The following IL7 variants were observed in gnomAD, a reference collection of about 807,000 sequenced individuals.
The protein encoded by IL7 is interleukin-7.
IL7 carries 3 observed loss-of-function variants against 21.6 expected under a neutral mutation model. That is an observed-to-expected ratio of 0.14 (90% confidence interval 0.06 to 0.36). The LOEUF is 0.36. Ranked by LOEUF, IL7 falls within the 10% of genes least tolerant of loss-of-function variation. The pLI is 1.00. For missense variants in IL7, 175 were observed against 200.2 expected, an observed-to-expected ratio of 0.87 and a Z score of 0.76; for synonymous variants, 62 against 68.1, an observed-to-expected ratio of 0.91 and a Z score of 0.44.
intron 3 of IL7, chr8:78,689,340 T>C (rs756586522): frequency 1.9e-6 from 3 of 1,599,424 alleles, no homozygotes; most frequent in Non-Finnish European, 2.6e-6. Context: ...TTTCTACAGA[T>C]ACCAAAGGAA....
At chr8:78,707,762 T>A (rs917614764) in intron 3 of IL7, among the ~76,000 whole-genome samples, 1 of 152,142 alleles carries the variant, frequency 6.6e-6, no homozygotes, top group Non-Finnish European at 1.5e-5. Flanking sequence ...TCTACCAATA[T>A]ATTACTATAT....
intron 3 of IL7, among the ~76,000 whole-genome samples, chr8:78,700,270 GAA>G (rs1303403717): frequency 1.3e-5 from 2 of 152,204 alleles, no homozygotes; most frequent in African/African-American, 4.8e-5. Context: ...GTCTTCTTTT[GAA>G]AAGTGTCTGT....
intron 2 of IL7, among the ~76,000 whole-genome samples, chr8:78,786,767 T>C (rs1256007996): frequency 2.0e-5 from 3 of 152,168 alleles, no homozygotes; most frequent in Non-Finnish European, 4.4e-5. Context: ...AAGGAATGTC[T>C]TTTTCTGTGC....
intron 2 of IL7, among the ~76,000 whole-genome samples, chr8:78,762,739 T>A (rs897225753): frequency 2.0e-5 from 3 of 152,134 alleles, no homozygotes; most frequent in African/African-American, 7.2e-5. Context: ...TATTTTGAAT[T>A]CTTTTTCAGG....
intron 2 of IL7, among the ~76,000 whole-genome samples, chr8:78,795,545 A>G (rs1813825998): frequency 6.6e-6 from 1 of 151,950 alleles, no homozygotes. Flanking sequence ...GCTCCTCTAT[A>G]TTCTCCCACC....
chr8:78,706,825 T>G (rs1810788549), intron 3 of IL7, among the ~76,000 whole-genome samples: 1 of 152,080 alleles, frequency 6.6e-6, no homozygotes, highest in Non-Finnish European at 1.5e-5. Flanking sequence ...CAATTCAGAC[T>G]ACATAGAAAA....
chr8:78,773,909 T>C (rs2130793477), intron 2 of IL7, among the ~76,000 whole-genome samples: 1 of 152,224 alleles, frequency 6.6e-6, no homozygotes, highest in East Asian at 1.9e-4. Flanking sequence ...TTCTGCCTCA[T>C]TGCAAATATG....
intron 2 of IL7, among the ~76,000 whole-genome samples, chr8:78,749,939 T>C (rs891421584): frequency 6.6e-6 from 1 of 151,764 alleles, no homozygotes; most frequent in Admixed American, 6.6e-5. Flanking sequence ...CAGGTTGAAA[T>C]AGGAGCATCA....
At chr8:78,709,575 G>A (rs929036737) in intron 3 of IL7, among the ~76,000 whole-genome samples, 1 of 152,076 alleles carries the variant, frequency 6.6e-6, no homozygotes, top group Non-Finnish European at 1.5e-5. Flanking sequence ...ATAAATTTAG[G>A]ATCAAAAGTA....
At chr8:78,715,210 CTT>C, downstream of IL7, 3 of 1,609,634 alleles carry the variant, frequency 1.9e-6, no homozygotes, top group South Asian at 1.1e-5. Context: ...TATTTTTCCT[CTT>C]TTTTATAGAG....
At chr8:78,757,519 A>G (rs535332545) in intron 2 of IL7, among the ~76,000 whole-genome samples, 4 of 152,016 alleles carry the variant, frequency 2.6e-5, no homozygotes, top group Non-Finnish European at 5.9e-5. Flanking sequence ...ATTGGAGTCT[A>G]TCTCTCTCTT....
intron 2 of IL7, among the ~76,000 whole-genome samples, chr8:78,769,916 G>C (rs932930065): frequency 6.6e-6 from 1 of 152,022 alleles, no homozygotes; most frequent in African/African-American, 2.4e-5. Flanking sequence ...ACAAACCTGA[G>C]AAAAACAAGC....
downstream of IL7, chr8:78,717,536 G>A (rs1331330987): frequency 6.5e-7 from 1 of 1,532,186 alleles, no homozygotes; most frequent in Non-Finnish European, 8.7e-7. Context: ...CAGAGTTTAT[G>A]ATTATTGCTG....
intron 2 of IL7, among the ~76,000 whole-genome samples, chr8:78,742,728 T>C (rs747382071): frequency 6.6e-6 from 1 of 152,170 alleles, no homozygotes; most frequent in Non-Finnish European, 1.5e-5. Context: ...TCTTTCTCTA[T>C]TTTTTAAACA....
chr8:78,805,015 C>T lies in IL7; in HGVS notation c.-93G>A. 1 of 1,411,318 alleles carries T rather than the reference C, an allele frequency of 7.1e-7. No individual in the cohort carries two copies. Among genetic ancestry groups the T allele is most frequent in the African/African-American group, 1.4e-5 (1 of 70,174 alleles). The allele number at this position is 1,411,318 out of a possible 1,614,324, so 87.4% of individuals were successfully genotyped here. On this transcript the variant is annotated 5_prime_UTR_variant, in exon 1 of 6. Coordinates refer to ENST00000263851, the MANE Select transcript of IL7 (RefSeq NM_000880.4). Reference sequence around the variant, plus strand: ...AGTCACTCCCAGGACCCTGGTCTTCCGCGGAGTTGCCGAGTCTGTGTTGGG... The same window carrying T: ...AGTCACTCCCAGGACCCTGGTCTTCTGCGGAGTTGCCGAGTCTGTGTTGGG...
intron 2 of IL7, among the ~76,000 whole-genome samples, chr8:78,766,921 T>A (rs1174039796): frequency 6.6e-6 from 1 of 152,162 alleles, no homozygotes; most frequent in Non-Finnish European, 1.5e-5. Context: ...GCCATTCTGT[T>A]ACATTCTTAT....
chr8:78,782,914 C>T (rs182293410), intron 2 of IL7, among the ~76,000 whole-genome samples: 2 of 152,130 alleles, frequency 1.3e-5, no homozygotes, highest in African/African-American at 4.8e-5. Flanking sequence ...AGGCCACATG[C>T]AGTGAAGATG....
intron 3 of IL7, among the ~76,000 whole-genome samples, chr8:78,724,990 A>G (rs1391989280): frequency 6.6e-6 from 1 of 152,046 alleles, no homozygotes; most frequent in African/African-American, 2.4e-5. Context: ...ATGTATTTCA[A>G]ATCTAAATTT....
intron 2 of IL7, among the ~76,000 whole-genome samples, chr8:78,750,810 C>T (rs547177455): frequency 1.3e-4 from 20 of 152,070 alleles, no homozygotes; most frequent in Non-Finnish European, 2.4e-4. Context: ...GGCAACAGAG[C>T]GAGACTCCGT....
Sources: gnomAD v4.1 joint callset for allele counts (sites outside exome capture counted in the v4.1 genomes callset) on GRCh38, gnomAD v4.1.1 for gene constraint, MANE v1.5 for transcripts, NCBI Gene and HGNC (gene_info 2026-07-23, HGNC 2026-07-21) for gene names.